PDE3A: variants seen among roughly 807,000 people sequenced by gnomAD.
The protein encoded by PDE3A is cGMP-inhibited 3',5'-cyclic phosphodiesterase 3A.
A neutral mutation model predicts 98.3 loss-of-function variants in PDE3A; 43 were observed. The ratio of observed to expected loss-of-function variants is 0.44; its 90% CI spans 0.34 to 0.56. The LOEUF (loss-of-function observed/expected upper bound fraction) is 0.56. PDE3A is among the 20% of genes least tolerant of loss of function. The pLI, the probability that PDE3A is intolerant of heterozygous loss-of-function variation, is 0.01. For missense variants in PDE3A, 1,427 were observed against 1,440.7 expected (o/e 0.99, Z 0.15); for synonymous variants, 663 against 567.9 (o/e 1.17, Z -2.38).
rs1168820441 is a variant in PDE3A, at chr12:20,454,174, C to A, written c.960+83930C>A. Reference sequence around the variant, plus strand: ...TAGTCACATCAGCTCCTGGCTCTTGCTTGAACCCGTTAAGCATATATCTTT... The same window carrying A: ...TAGTCACATCAGCTCCTGGCTCTTGATTGAACCCGTTAAGCATATATCTTT... On this transcript the variant is annotated intron_variant, in intron 1 of 15. Transcript: ENST00000359062. Among the ~76,000 whole-genome samples, 7 of 152,284 alleles carry A rather than the reference C, an allele frequency of 4.6e-5. No homozygotes were observed. The East Asian group carries it at 1.4e-3, about 29-fold the overall frequency.
intron 1 of PDE3A, among the ~76,000 whole-genome samples, chr12:20,412,689 G>A (rs559754663): frequency 9.9e-5 from 15 of 152,074 alleles, no homozygotes; most frequent in South Asian, 2.1e-4. Flanking sequence ...CTATTTTTTC[G>A]TTTGTTTCTT....
At chr12:20,420,650 AAT>A (rs1944497505) in intron 1 of PDE3A, among the ~76,000 whole-genome samples, 2 of 152,236 alleles carry the variant, frequency 1.3e-5, no homozygotes, top group South Asian at 4.2e-4. Flanking sequence ...TTTCAAGAGC[AAT>A]GTACAGGAAG....
intron 1 of PDE3A, among the ~76,000 whole-genome samples, chr12:20,418,146 T>C (rs1228913406): frequency 4.6e-5 from 7 of 152,176 alleles, no homozygotes; most frequent in Non-Finnish European, 1.0e-4. Context: ...AGTTGGCTTA[T>C]GACCTCTTGT....
At chr12:20,439,233 A>C (rs1944828434) in intron 1 of PDE3A, among the ~76,000 whole-genome samples, 1 of 152,184 alleles carries the variant, frequency 6.6e-6, no homozygotes, top group East Asian at 1.9e-4. Context: ...GCAAGAAAAG[A>C]GATAAGAGCA....
At chr12:20,450,792 GA>G (rs1399675157) in intron 1 of PDE3A, among the ~76,000 whole-genome samples, 1 of 152,184 alleles carries the variant, frequency 6.6e-6, no homozygotes, top group Non-Finnish European at 1.5e-5. Flanking sequence ...TATAACAAAT[GA>G]AGATGCATGT....
At chr12:20,468,106 T>C (rs1191305001) in intron 1 of PDE3A, among the ~76,000 whole-genome samples, 1 of 152,092 alleles carries the variant, frequency 6.6e-6, no homozygotes, top group East Asian at 1.9e-4. Context: ...TTGTTTAGGT[T>C]TTAAAATAGC....
intron 3 of PDE3A, 137 bp downstream of exon 3, chr12:20,613,837 GAAGT>G (rs1943932244): frequency 1.6e-6 from 1 of 627,724 alleles, no homozygotes; most frequent in Admixed American, 2.9e-5. Flanking sequence ...CGTGGTGACA[GAAGT>G]AATAAATATT....
At chr12:20,505,915 G>A (rs968234859) in intron 1 of PDE3A, among the ~76,000 whole-genome samples, 7 of 152,008 alleles carry the variant, frequency 4.6e-5, no homozygotes, top group Admixed American at 6.6e-5. Context: ...AGGTGATAAG[G>A]CGCCAAGTCC....
chr12:20,434,092 T>C (rs1944741455), intron 1 of PDE3A, among the ~76,000 whole-genome samples: 1 of 152,218 alleles, frequency 6.6e-6, no homozygotes. Flanking sequence ...ATGTGCAACA[T>C]TGGTATTCTT....
At chr12:20,678,690 A>C (rs1208568144) in intron 15 of PDE3A, among the ~76,000 whole-genome samples, 1 of 152,222 alleles carries the variant, frequency 6.6e-6, no homozygotes, top group East Asian at 1.9e-4. Flanking sequence ...ACTTCATGCC[A>C]GATGCATAAG....
chr12:20,606,933 TA>T (rs1565446923), intron 2 of PDE3A, among the ~76,000 whole-genome samples: 1 of 151,462 alleles, frequency 6.6e-6, no homozygotes, highest in Non-Finnish European at 1.5e-5. Context: ...TAATATTGAT[TA>T]TACTTGTTGT....
rs1273238973 is a variant in PDE3A, at chr12:20,384,199, T to C, written c.960+13955T>C. On this transcript the variant is annotated intron_variant, in intron 1 of 15. Transcript: ENST00000359062. ...TTGGGTTGACATTTTTTTTTTTTTTTTCTCTAATTTTATCTTCTGCCTACA... is the reference window on the plus strand; with the variant it reads ...TTGGGTTGACATTTTTTTTTTTTTTCTCTCTAATTTTATCTTCTGCCTACA... Among the ~76,000 whole-genome samples the C allele has an allele frequency of 1.3e-5, 2 of 150,832 alleles. 1 individual carries two copies. The highest frequency in any genetic ancestry group is 4.9e-5 in the African/African-American group (2 of 40,892).
intron 2 of PDE3A, among the ~76,000 whole-genome samples, chr12:20,609,404 G>A (rs1035403733): frequency 6.6e-6 from 1 of 151,878 alleles, no homozygotes; most frequent in African/African-American, 2.4e-5. Context: ...CTGATGAAAA[G>A]AATTGAACAC....
At chr12:20,452,179 A>T (rs750389782) in intron 1 of PDE3A, among the ~76,000 whole-genome samples, 1 of 152,206 alleles carries the variant, frequency 6.6e-6, no homozygotes, top group Admixed American at 6.5e-5. Context: ...ACTAGTTCTC[A>T]TCATGGTTCA....
At chr12:20,671,335 C>T (rs571317437) in intron 15 of PDE3A, among the ~76,000 whole-genome samples, 5 of 151,776 alleles carry the variant, frequency 3.3e-5, no homozygotes, top group Admixed American at 6.6e-5. Flanking sequence ...GGGAATCCTC[C>T]CTAACTCATT....
chr12:20,569,709 G>T (rs1430697101), intron 2 of PDE3A, among the ~76,000 whole-genome samples: 1 of 152,102 alleles, frequency 6.6e-6, no homozygotes, highest in African/African-American at 2.4e-5. Context: ...GATTCAAGAG[G>T]AGAAAATAAA....
chr12:20,674,688 G>T (rs112131581), intron 15 of PDE3A, among the ~76,000 whole-genome samples: 10 of 152,088 alleles, frequency 6.6e-5, no homozygotes, highest in African/African-American at 2.2e-4. Flanking sequence ...TGGTATATGT[G>T]TCCAGGAATT....
intron 1 of PDE3A, among the ~76,000 whole-genome samples, chr12:20,549,309 C>A (rs1046132715): frequency 5.3e-5 from 8 of 150,740 alleles, no homozygotes; most frequent in Non-Finnish European, 1.2e-4. Context: ...CCCCATGCCC[C>A]ATCTAGTGGC....
At chr12:20,522,061 C>T (rs1168158534) in intron 1 of PDE3A, among the ~76,000 whole-genome samples, 1 of 152,150 alleles carries the variant, frequency 6.6e-6, no homozygotes, top group Non-Finnish European at 1.5e-5. Context: ...AGATGTTCCT[C>T]ACAGACAAAG....
Sources: gnomAD v4.1 joint callset for allele counts (sites outside exome capture counted in the v4.1 genomes callset) on GRCh38, gnomAD v4.1.1 for gene constraint, MANE v1.5 for transcripts, NCBI Gene and HGNC (gene_info 2026-07-23, HGNC 2026-07-21) for gene names.